The following REG4 variants were observed in gnomAD, a reference collection of about 807,000 sequenced individuals.
REG4 encodes regenerating islet-derived protein 4.
In REG4, 16 loss-of-function variants were observed where a neutral mutation model predicts 22.3. The ratio of observed to expected loss-of-function variants is 0.72; its 90% CI spans 0.49 to 1.09. REG4 has a LOEUF of 1.09. Ranked by LOEUF, REG4 falls within the 50% of genes least tolerant of loss-of-function variation. The pLI, the probability that REG4 is intolerant of heterozygous loss-of-function variation, is 0.00. For synonymous variants in REG4, 71 were observed against 69.2 expected, an observed-to-expected ratio of 1.03 and a Z score of -0.13; for missense variants, 214 against 193.9, an observed-to-expected ratio of 1.10 and a Z score of -0.61.
At chr1:119,802,937 T>C (rs1422027755) in intron 3 of REG4, 131 bp downstream of exon 3, 1 of 1,561,952 alleles carries the variant, frequency 6.4e-7, no homozygotes, top group East Asian at 2.3e-5. Context: ...TTCTCTCCAT[T>C]TCACCAGCCA....
In REG4 at chr1:119,803,232, A is replaced by G. The variant is rs907266011; in HGVS notation, c.68-67T>C. On this transcript the variant is annotated intron_variant, in intron 2 of 5. Transcript: ENST00000256585. ...AACAATCAATTCCCAGACTTGATAC[A>G]GTTTGCAATCAGGAACCCCTTGAAT... is the stretch of plus-strand genomic sequence containing the variant. 5 of 1,454,164 alleles carry G rather than the reference A, an allele frequency of 3.4e-6. No individual in the cohort carries two copies. The African/African-American group carries it at 7.1e-5, about 21-fold the overall frequency. The allele number at this position is 1,454,164 out of a possible 1,614,324, so 90.1% of individuals were successfully genotyped here. A position where few individuals can be genotyped will look rare whatever the true frequency, so the allele number is the denominator to read the frequency against.
chr1:119,802,868 C>G, intron 3 of REG4, 200 bp downstream of exon 3: 1 of 1,548,674 alleles, frequency 6.5e-7, no homozygotes, highest in East Asian at 2.4e-5. Context: ...TAGGGTCTGG[C>G]ATACAGCACC....
intron 4 of REG4, among the ~76,000 whole-genome samples, chr1:119,799,386 G>A (rs1359509849): frequency 1.3e-5 from 2 of 149,272 alleles, no homozygotes; most frequent in East Asian, 4.0e-4. Context: ...TGATTAATCT[G>A]TCTCATAATA....
At chr1:119,798,028 A>C (rs1417008029) in intron 5 of REG4, among the ~76,000 whole-genome samples, 1 of 152,260 alleles carries the variant, frequency 6.6e-6, no homozygotes, top group African/African-American at 2.4e-5. Flanking sequence ...TTCTGGGGAC[A>C]GGATTCAGGG....
At chr1:119,800,732 G>A (rs982587071) in intron 3 of REG4, among the ~76,000 whole-genome samples, 33 of 152,316 alleles carry the variant, frequency 2.2e-4, no homozygotes, top group African/African-American at 7.7e-4. Flanking sequence ...AAACATGTGA[G>A]GTGATCCTCC....
rs370933200 is a variant in REG4 at position 119,799,863 on chromosome 1, C to G, written c.166-1G>C. On this transcript the variant is annotated splice_acceptor_variant, in intron 3 of 5. Coordinates refer to ENST00000256585, the MANE Select transcript of REG4 (RefSeq NM_032044.4). LOFTEE classifies it high-confidence loss of function. ...CGTTTCCGTAAGACTGACACTCGAG[C>G]TATGTACAAGGAGAGGTCCTGTTAA... The G allele has an allele frequency of 1.2e-6, 2 of 1,613,838 alleles. No individual in the cohort carries two copies. Among genetic ancestry groups the G allele is most frequent in the Non-Finnish European group, 1.7e-6 (2 of 1,180,020 alleles).
chr1:119,804,357 G>C (rs968695067), intron 2 of REG4, among the ~76,000 whole-genome samples: 4 of 152,192 alleles, frequency 2.6e-5, no homozygotes, highest in Admixed American at 2.6e-4. Flanking sequence ...GCATGTAAGA[G>C]ATTTTATAAC....
chr1:119,800,929 T>A (rs1654079852), intron 3 of REG4, among the ~76,000 whole-genome samples: 1 of 152,212 alleles, frequency 6.6e-6, no homozygotes, highest in African/African-American at 2.4e-5. Context: ...AACTTTCAGC[T>A]CTAATCCCAA....
At chr1:119,802,515 G>T in intron 3 of REG4, 1 of 1,063,944 alleles carries the variant, frequency 9.4e-7, no homozygotes, top group Admixed American at 5.3e-5. Flanking sequence ...CCCCATATGT[G>T]GCTGAGATAA....
intron 2 of REG4, among the ~76,000 whole-genome samples, chr1:119,804,979 G>A (rs1335984834): frequency 6.6e-6 from 1 of 152,110 alleles, no homozygotes; most frequent in African/African-American, 2.4e-5. Flanking sequence ...GAGGAGGTGA[G>A]GAAACAGGCT....
intron 3 of REG4, 71 bp downstream of exon 3, chr1:119,802,997 A>G: frequency 6.2e-7 from 1 of 1,602,296 alleles, no homozygotes; most frequent in Non-Finnish European, 8.5e-7. Flanking sequence ...TCCTGAATCA[A>G]ATGAGATCTG....
intron 3 of REG4, among the ~76,000 whole-genome samples, 157 bp from the exon 4 acceptor site, chr1:119,800,019 G>A (rs587676154): frequency 1.3e-5 from 2 of 152,246 alleles, no homozygotes; most frequent in South Asian, 2.1e-4. Flanking sequence ...TGCCACCCTG[G>A]GAAAAAACAC....
chr1:119,799,860 G>A lies in REG4; in HGVS notation c.168C>T (p.Leu56=), dbSNP rs587636387. The A allele has an allele frequency of 7.9e-5, 127 of 1,613,886 alleles. No homozygotes were observed. Among genetic ancestry groups the A allele is most frequent in the South Asian group, 5.2e-4 (47 of 90,994 alleles). ...CTCCGTTTCCGTAAGACTGACACTC[G>A]AGCTATGTACAAGGAGAGGTCCTGT... ...RKLRNWSDAE[L]ECQSYGNGAH... Residue 56 remains leucine, a splice_region_variant and synonymous_variant, in exon 4 of 6, where the codon CTC becomes CTT. Transcript: ENST00000256585.
At chr1:119,804,925 A>G (rs1031493703) in intron 2 of REG4, among the ~76,000 whole-genome samples, 1 of 151,924 alleles carries the variant, frequency 6.6e-6, no homozygotes, top group African/African-American at 2.4e-5. Flanking sequence ...GCCAGGCACC[A>G]TGTTAGGTGT....
intron 5 of REG4, among the ~76,000 whole-genome samples, chr1:119,796,448 AT>A (rs1166004199): frequency 6.6e-6 from 1 of 152,176 alleles, no homozygotes. Context: ...GACACACAAA[AT>A]AAAATGCTCT....
At chr1:119,803,616 T>C (rs1353690340) in intron 2 of REG4, among the ~76,000 whole-genome samples, 1 of 152,220 alleles carries the variant, frequency 6.6e-6, no homozygotes, top group Non-Finnish European at 1.5e-5. Context: ...ACACTCATAA[T>C]TGGAATAGAT....
At chr1:119,795,676 A>G (rs1653916679) in intron 5 of REG4, among the ~76,000 whole-genome samples, 1 of 152,060 alleles carries the variant, frequency 6.6e-6, no homozygotes, top group African/African-American at 2.4e-5. Flanking sequence ...CCCTGGGGAG[A>G]GGAGGGGGTG....
rs967934398 is a variant in REG4, at chr1:119,808,936, A to G, written c.-94-73T>C. 22 of 533,332 alleles carry G rather than the reference A, an allele frequency of 4.1e-5. No individual in the cohort carries two copies. In the East Asian group the frequency reaches 6.8e-4, roughly 16 times the overall value. The allele number at this position is 533,332 out of a possible 1,614,324, so 33.0% of individuals were successfully genotyped here. ...ACTAATACATATGGAGGAAAATAAT[A>G]CAATATTTTCCTGGCTAAATCCAGA... On this transcript the variant is annotated intron_variant, in intron 1 of 5. Transcript: ENST00000256585.
intron 3 of REG4, chr1:119,801,912 T>C (rs1046576828): frequency 7.9e-5 from 12 of 151,728 alleles, no homozygotes; most frequent in Admixed American, 1.3e-4. Flanking sequence ...TAATGAATCC[T>C]CCTGACAAGT....
Sources: gnomAD v4.1 joint callset for allele counts (sites outside exome capture counted in the v4.1 genomes callset) on GRCh38, gnomAD v4.1.1 for gene constraint, MANE v1.5 for transcripts, NCBI Gene and HGNC (gene_info 2026-07-23, HGNC 2026-07-21) for gene names.